The following BCOR variants were observed in gnomAD, a reference collection of about 807,000 sequenced individuals.
The protein encoded by BCOR is BCL-6 corepressor.
A neutral mutation model predicts 86.7 loss-of-function variants in BCOR; 10 were observed. The ratio of observed to expected loss-of-function variants is 0.12; its 90% CI spans 0.07 to 0.20. BCOR has a LOEUF of 0.20. Ranked by LOEUF, BCOR falls within the 10% of genes least tolerant of loss-of-function variation. The pLI is 1.00. For missense variants in BCOR, 1,259 were observed against 1,452.1 expected (o/e 0.87, Z 2.16); for synonymous variants, 611 against 609.0 (o/e 1.00, Z -0.05).
chrX:40,171,895 G>T (rs1938629781), intron 1 of BCOR, among the ~76,000 whole-genome samples: 3 of 112,876 alleles, frequency 2.7e-5, no homozygotes, highest in Non-Finnish European at 5.6e-5. Context: ...CTTAAGGCGC[G>T]CGGGCTGATG....
chrX:40,128,285 G>A (rs948042807), intron 1 of BCOR, among the ~76,000 whole-genome samples: 1 of 103,779 alleles, frequency 9.6e-6, no homozygotes, highest in Non-Finnish European at 2.0e-5. Context: ...GCGGCTCACA[G>A]CTGTAATCCC....
At chrX:40,125,940 G>A (rs1937533325) in intron 1 of BCOR, among the ~76,000 whole-genome samples, 1 of 111,252 alleles carries the variant, frequency 9.0e-6, no homozygotes, top group Non-Finnish European at 1.9e-5. Context: ...GGCCAGGCGC[G>A]GTGGCTCACG....
intron 1 of BCOR, among the ~76,000 whole-genome samples, chrX:40,104,340 G>A: frequency 8.9e-6 from 1 of 112,074 alleles, no homozygotes; most frequent in Non-Finnish European, 1.9e-5. Flanking sequence ...TATAAAGGGA[G>A]AGAAAGGAAA....
At chrX:40,113,826 C>G (rs111247949) in intron 1 of BCOR, among the ~76,000 whole-genome samples, 2 of 91,815 alleles carry the variant, frequency 2.2e-5, no homozygotes, top group African/African-American at 1.1e-4. Flanking sequence ...TTCTTTCTTT[C>G]TTTTTTTTTT....
intron 1 of BCOR, among the ~76,000 whole-genome samples, chrX:40,094,904 G>GC (rs1218047881): frequency 8.9e-6 from 1 of 112,954 alleles, no homozygotes; most frequent in East Asian, 2.8e-4. Context: ...AATGAGCTGT[G>GC]CAGCCCATTG....
intron 11 of BCOR, among the ~76,000 whole-genome samples, chrX:40,056,009 G>T (rs1023500778): frequency 9.2e-6 from 1 of 108,765 alleles, no homozygotes; most frequent in Non-Finnish European, 1.9e-5. Context: ...TTGTAGGGAC[G>T]GGGTCTTACT....
chrX:40,086,058 A>C (rs1316456259), intron 1 of BCOR, among the ~76,000 whole-genome samples: 1 of 111,943 alleles, frequency 8.9e-6, no homozygotes, highest in Non-Finnish European at 1.9e-5. Flanking sequence ...TGTGCTCTTG[A>C]AAACGGGAAG....
chrX:40,140,030 G>C (rs190952221), intron 1 of BCOR, among the ~76,000 whole-genome samples: 46 of 110,636 alleles, frequency 4.2e-4, no homozygotes, highest in Admixed American at 6.8e-4. Flanking sequence ...CCTTTGGAGA[G>C]AAAGCACGGA....
At chrX:40,106,771 G>A (rs1283002620) in intron 1 of BCOR, among the ~76,000 whole-genome samples, 1 of 112,385 alleles carries the variant, frequency 8.9e-6, no homozygotes, top group African/African-American at 3.2e-5. Context: ...AACGGAAGGC[G>A]GTGCAGGCGG....
chrX:40,064,378 C>G lies in BCOR; in HGVS notation c.3460G>C (p.Glu1154Gln), dbSNP rs763102500. 1 of 1,212,438 alleles carries G rather than the reference C, an allele frequency of 8.2e-7. No individual in the cohort carries two copies. The stretch of plus-strand genomic sequence containing the variant: ...CGTTTGGCTTTCAGCAGAGGGTCCT[C>G]TGGCACCTCCTCCGCAGTGGTCTCA... ...HTETTAEEVP[E>Q]DPLLKAKRRR... is the part of the protein sequence containing the mutation. The change falls in exon 7 of 15, where the codon GAG becomes CAG. Residue 1154 changes from glutamate (E) to glutamine (Q), a missense_variant. Transcript: ENST00000378444.
chrX:40,148,560 G>C (rs1394198081), intron 1 of BCOR, among the ~76,000 whole-genome samples: 1 of 111,390 alleles, frequency 9.0e-6, no homozygotes, highest in Non-Finnish European at 1.9e-5. Flanking sequence ...CCCTTCATGG[G>C]GGAGGAGGCC....
intron 1 of BCOR, among the ~76,000 whole-genome samples, chrX:40,114,803 T>C (rs1937366369): frequency 1.8e-5 from 2 of 110,328 alleles, no homozygotes; most frequent in African/African-American, 6.6e-5. Context: ...CCAAGTTATC[T>C]CACTCACACC....
chrX:40,135,625 G>A (rs775128294), intron 1 of BCOR, among the ~76,000 whole-genome samples: 2 of 111,099 alleles, frequency 1.8e-5, no homozygotes, highest in South Asian at 3.8e-4. Context: ...CCTGACCTCA[G>A]GTAATCTGCC....
At chrX:40,058,669 C>T (rs1934719084) in intron 10 of BCOR, among the ~76,000 whole-genome samples, 2 of 111,752 alleles carry the variant, frequency 1.8e-5, no homozygotes, top group Admixed American at 1.9e-4. Flanking sequence ...TAACCCTGGC[C>T]GGTAACCCTG....
chrX:40,155,108 C>G (rs1938261520), intron 1 of BCOR, among the ~76,000 whole-genome samples: 2 of 110,622 alleles, frequency 1.8e-5, no homozygotes, highest in African/African-American at 3.3e-5. Context: ...CCAGGCCGCT[C>G]GACTGAGCCG....
intron 1 of BCOR, among the ~76,000 whole-genome samples, chrX:40,112,773 C>A (rs1015731579): frequency 2.7e-5 from 3 of 111,436 alleles, no homozygotes; most frequent in Non-Finnish European, 5.7e-5. Context: ...TTAATAAATG[C>A]CAGGCCTTGT....
intron 1 of BCOR, among the ~76,000 whole-genome samples, chrX:40,154,398 C>T (rs2147995210): frequency 8.9e-6 from 1 of 112,463 alleles, no homozygotes; most frequent in Non-Finnish European, 1.9e-5. Flanking sequence ...CTCGCTCTCG[C>T]CCAGGCTCCG....
intron 6 of BCOR, among the ~76,000 whole-genome samples, chrX:40,067,474 G>A (rs780644763): frequency 3.4e-4 from 38 of 111,866 alleles, no homozygotes; most frequent in African/African-American, 1.2e-3. Context: ...ACCATTCCCC[G>A]TTCAGCCGGA....
In BCOR at chrX:40,054,358, A is replaced by T. The variant is rs753853933; in HGVS notation, c.4742-25T>A. 1.5e-5 allele frequency: 17 copies of T among 1,145,728 alleles called. No individual in the cohort carries two copies. In the South Asian group the frequency reaches 3.0e-4, roughly 20 times the overall value. 94.4% of individuals were successfully genotyped at this position (1,145,728 alleles called of 1,213,427 possible). A position where few individuals can be genotyped will look rare whatever the true frequency, so the allele number is the denominator to read the frequency against. On this transcript the variant is annotated intron_variant, in intron 12 of 14. Transcript: ENST00000378444. The stretch of plus-strand genomic sequence containing the variant: ...TCTGGAGGGAGAGAAAAATAAAAAA[A>T]CAAGATAAAATCTACTGCTGAGAAC...
Sources: gnomAD v4.1 joint callset for allele counts (sites outside exome capture counted in the v4.1 genomes callset) on GRCh38, gnomAD v4.1.1 for gene constraint, MANE v1.5 for transcripts, NCBI Gene and HGNC (gene_info 2026-07-23, HGNC 2026-07-21) for gene names.